The following RASEF variants were observed in gnomAD, a reference collection of about 807,000 sequenced individuals.
The protein encoded by RASEF is RAS and EF-hand domain containing.
In RASEF, 68 loss-of-function variants were observed where a neutral mutation model predicts 90.1. That is an observed-to-expected ratio of 0.75 (90% CI 0.62 to 0.92). The LOEUF (loss-of-function observed/expected upper bound fraction) is 0.92. Ranked by LOEUF, RASEF falls within the 40% of genes least tolerant of loss-of-function variation. The pLI, the probability that RASEF is intolerant of heterozygous loss-of-function variation, is 0.00. For missense variants in RASEF, 949 were observed against 937.2 expected (o/e 1.01, Z -0.16); for synonymous variants, 331 against 345.2 (o/e 0.96, Z 0.46).
intron 2 of RASEF, among the ~76,000 whole-genome samples, chr9:83,024,764 T>G (rs115550905): frequency 0.03 from 4,518 of 152,332 alleles, 206 homozygotes; most frequent in African/African-American, 0.1. Context: ...TTCTACATCG[T>G]AATGAACCAA....
chr9:83,109,193 G>T, the RASEF span, among the ~76,000 whole-genome samples: 1 of 152,184 alleles, frequency 6.6e-6, no homozygotes, highest in East Asian at 1.9e-4. Context: ...CATCTATTTA[G>T]CCCCCGTGGT....
chr9:83,108,157 T>C, the RASEF span, among the ~76,000 whole-genome samples: 2 of 152,142 alleles, frequency 1.3e-5, no homozygotes, highest in Non-Finnish European at 2.9e-5. Flanking sequence ...CTGGGTAGTG[T>C]TTACATGGGT....
chr9:82,998,564 G>T, intron 12 of RASEF, 118 bp from the exon 13 acceptor site: 1 of 681,004 alleles, frequency 1.5e-6, no homozygotes. Flanking sequence ...AGGGAGGGAG[G>T]AATGAACATG....
chr9:83,026,880 C>T (rs1265228030), intron 1 of RASEF, among the ~76,000 whole-genome samples: 4 of 152,088 alleles, frequency 2.6e-5, no homozygotes, highest in Non-Finnish European at 5.9e-5. Context: ...TCTGACACTA[C>T]CCAGAGTCAG....
chr9:83,187,159 A>C, the RASEF span, among the ~76,000 whole-genome samples: 8 of 152,222 alleles, frequency 5.3e-5, no homozygotes, highest in Non-Finnish European at 8.8e-5. Context: ...ACCCCAATAA[A>C]GGCTCTGGTC....
At chr9:83,084,194 A>G in the RASEF span, among the ~76,000 whole-genome samples, 8 of 152,198 alleles carry the variant, frequency 5.3e-5, no homozygotes, top group East Asian at 1.5e-3. Flanking sequence ...TTATTTCATT[A>G]TGATAAAATA....
chr9:82,988,372 A>G (rs1355758433), intron 16 of RASEF, among the ~76,000 whole-genome samples: 3 of 151,934 alleles, frequency 2.0e-5, no homozygotes, highest in Non-Finnish European at 4.4e-5. Flanking sequence ...TACTATTCAC[A>G]GCCAAAAACA....
chr9:83,177,435 C>T, the RASEF span, among the ~76,000 whole-genome samples: 9 of 152,168 alleles, frequency 5.9e-5, no homozygotes, highest in South Asian at 1.9e-3. Context: ...GTCTGTATAT[C>T]GTCTTCATTT....
chr9:83,106,137 A>T, the RASEF span, among the ~76,000 whole-genome samples: 1 of 151,948 alleles, frequency 6.6e-6, no homozygotes, highest in Admixed American at 6.6e-5. Context: ...ACCCATCTAA[A>T]TCCTTGGGCT....
the RASEF span, among the ~76,000 whole-genome samples, chr9:83,147,818 G>C: frequency 0.025 from 3,765 of 152,136 alleles, 70 homozygotes; most frequent in Middle Eastern, 0.041. Context: ...GGATGGAGGG[G>C]GAGCTGGAAA....
chr9:83,126,296 A>G, the RASEF span, among the ~76,000 whole-genome samples: 1 of 152,136 alleles, frequency 6.6e-6, no homozygotes, highest in African/African-American at 2.4e-5. Flanking sequence ...AGCTCTCTCT[A>G]TCTTTATCAT....
At chr9:83,043,041 C>T (rs1829868251) in intron 1 of RASEF, among the ~76,000 whole-genome samples, 1 of 152,082 alleles carries the variant, frequency 6.6e-6, no homozygotes, top group Admixed American at 6.5e-5. Context: ...ATATGATGAC[C>T]CTGAGTTAGC....
upstream of RASEF, among the ~76,000 whole-genome samples, chr9:83,066,528 A>G (rs1830283454): frequency 1.3e-5 from 2 of 152,372 alleles, no homozygotes; most frequent in South Asian, 2.1e-4. Flanking sequence ...TTTAGCATCC[A>G]GAAACAGCTA....
chr9:83,055,512 G>A (rs767130313), intron 1 of RASEF: 12 of 696,336 alleles, frequency 1.7e-5, no homozygotes, highest in South Asian at 5.9e-5. Context: ...CTTCTGCGTC[G>A]CTCACGCTGG....
At chr9:83,029,797 T>C (rs1450521590) in intron 1 of RASEF, among the ~76,000 whole-genome samples, 3 of 152,120 alleles carry the variant, frequency 2.0e-5, no homozygotes, top group Non-Finnish European at 4.4e-5. Flanking sequence ...ATATTATTAA[T>C]AAACCTGCAG....
chr9:83,192,295 G>A, the RASEF span, among the ~76,000 whole-genome samples: 1 of 152,118 alleles, frequency 6.6e-6, no homozygotes, highest in Non-Finnish European at 1.5e-5. Context: ...GCAAAGATAT[G>A]GAATCAATCT....
the RASEF span, among the ~76,000 whole-genome samples, chr9:83,200,728 C>A: frequency 6.6e-6 from 1 of 152,130 alleles, no homozygotes; most frequent in Non-Finnish European, 1.5e-5. Context: ...GGTTCTAAAG[C>A]AATGTCAGCT....
upstream of RASEF, among the ~76,000 whole-genome samples, chr9:83,065,448 G>A (rs906872940): frequency 6.6e-6 from 1 of 152,166 alleles, no homozygotes; most frequent in Non-Finnish European, 1.5e-5. Flanking sequence ...TCACATGGTG[G>A]CAATGTTCCA....
At chr9:83,159,249 C>T in the RASEF span, among the ~76,000 whole-genome samples, 1 of 151,666 alleles carries the variant, frequency 6.6e-6, no homozygotes, top group African/African-American at 2.4e-5. Context: ...TTTGATACAT[C>T]CAATTAATCA....
Sources: allele counts gnomAD v4.1 joint callset (sites outside exome capture counted in the v4.1 genomes callset), GRCh38; gene constraint gnomAD v4.1.1; transcripts MANE v1.5; gene names NCBI Gene and HGNC (gene_info 2026-07-23, HGNC 2026-07-21).